H2BC18: variants seen among roughly 807,000 people sequenced by gnomAD.
The protein encoded by H2BC18 is H2B clustered histone 18, also known as histone H2B type 2-F.
H2BC18 carries 8 observed loss-of-function variants against 6.3 expected under a neutral mutation model. The ratio of observed to expected loss-of-function variants is 1.28; its 90% CI spans 0.75 to 2.31. The LOEUF (loss-of-function observed/expected upper bound fraction) is 2.31. H2BC18 is among the 30% of genes most tolerant of loss of function. The probability of loss-of-function intolerance (pLI) is 0.00; values close to 1 mark genes in which losing one functional copy is unlikely to be tolerated. For synonymous variants in H2BC18, 104 were observed against 78.1 expected (o/e 1.33, Z -1.75); for missense variants, 106 against 174.5 (o/e 0.61, Z 2.21).
intron 1 of H2BC18, chr1:149,788,274 A>G: frequency 6.2e-7 from 1 of 1,609,250 alleles, no homozygotes; most frequent in Non-Finnish European, 8.5e-7. Context: ...TGGATGTTGC[A>G]AGGAGAAAAA....
chr1:149,806,053 TTC>T (rs1233959275), intron 1 of H2BC18, among the ~76,000 whole-genome samples: 4 of 152,134 alleles, frequency 2.6e-5, no homozygotes, highest in African/African-American at 7.2e-5. Context: ...CACATACATA[TTC>T]TTTTTTAGGG....
intron 1 of H2BC18, chr1:149,804,103 A>G (rs587763044): frequency 6.6e-5 from 10 of 152,300 alleles, no homozygotes; most frequent in Admixed American, 3.9e-4. Context: ...GTTTTTCTCT[A>G]TGCTAGCTAA....
intron 1 of H2BC18, among the ~76,000 whole-genome samples, chr1:149,801,080 G>C (rs587599768): frequency 2.6e-5 from 4 of 151,970 alleles, no homozygotes; most frequent in East Asian, 1.9e-4. Flanking sequence ...AGTGAGACCC[G>C]GTCTCTAGAA....
chr1:149,804,404 C>T (rs1559754299), intron 1 of H2BC18, among the ~76,000 whole-genome samples: 1 of 152,208 alleles, frequency 6.6e-6, no homozygotes, highest in Non-Finnish European at 1.5e-5. Flanking sequence ...GAAGGTTCTA[C>T]ATAACAAAGG....
intron 1 of H2BC18, among the ~76,000 whole-genome samples, chr1:149,799,607 A>C (rs587728296): frequency 6.6e-6 from 1 of 152,352 alleles, no homozygotes; most frequent in South Asian, 2.1e-4. Flanking sequence ...GTGCACAATC[A>C]GCAAATCTTA....
At position 149,787,262 on chromosome 1, in the gene H2BC18, A is replaced by AT. The variant is rs2091577191; in HGVS notation, c.378-4003dup. The AT allele has an allele frequency of 2.6e-5, 4 of 152,360 alleles. No individual in the cohort carries two copies. In the South Asian group the frequency reaches 6.2e-4, roughly 24 times the overall value. 9.4% of individuals were successfully genotyped at this position (152,360 alleles called of 1,614,324 possible). A position where few individuals can be genotyped will look rare whatever the true frequency, so the allele number is the denominator to read the frequency against. On this transcript the variant is annotated intron_variant, in intron 1 of 1. Transcript: ENST00000545683. ...AGAAACACCTGCCTTCCATTCTTAGATAAGTTCTGGAGGGGGAAAAGGCAC... is the reference window on the plus strand; with the variant it reads ...AGAAACACCTGCCTTCCATTCTTAGATTAAGTTCTGGAGGGGGAAAAGGCAC...
rs782046946 is a variant in H2BC18, at chr1:149,812,273, C to T, written c.51G>A (p.Lys17=). 5 of 1,614,118 alleles carry T rather than the reference C, an allele frequency of 3.1e-6. No individual in the cohort carries two copies. The highest frequency in any genetic ancestry group is 2.2e-5 in the East Asian group (1 of 44,900). The change falls in exon 1 of 1, where the codon AAG becomes AAA. Residue 17 remains lysine (K), a synonymous_variant. Coordinates refer to ENST00000369167, the MANE Select transcript of H2BC18 (RefSeq NM_001024599.5). ...CCTTCTTCTGCACTTTCGTAACAGC[C>T]TTTTTGGAGCCCTTCTTGGGAGCAG... is the stretch of plus-strand genomic sequence containing the variant. ...SAPAPKKGSK[K]AVTKVQKKDG...
At chr1:149,804,857 C>CA (rs1553753717) in intron 1 of H2BC18, among the ~76,000 whole-genome samples, 1 of 151,730 alleles carries the variant, frequency 6.6e-6, no homozygotes, top group Non-Finnish European at 1.5e-5. Context: ...AGCTGATGTT[C>CA]ATCGCCACTA....
At chr1:149,807,653 A>C (rs1240326614), downstream of H2BC18, among the ~76,000 whole-genome samples, 7 of 151,604 alleles carry the variant, frequency 4.6e-5, no homozygotes, top group Admixed American at 4.6e-4. Flanking sequence ...AAAAATACAA[A>C]ATTAGCTGGG....
chr1:149,797,726 CA>C (rs1228861515), intron 1 of H2BC18, among the ~76,000 whole-genome samples: 3 of 152,136 alleles, frequency 2.0e-5, no homozygotes, highest in Admixed American at 1.3e-4. Context: ...GCCTCCCTAG[CA>C]GTTCGAACTA....
At chr1:149,788,170 C>T (rs608125) in intron 1 of H2BC18, 309 of 896,802 alleles carry the variant, frequency 3.4e-4, no homozygotes, top group African/African-American at 1.6e-3. Context: ...GGGCTGTGTA[C>T]GCAGTTGCCA....
chr1:149,799,410 C>G (rs1346756792), intron 1 of H2BC18, among the ~76,000 whole-genome samples: 1 of 152,206 alleles, frequency 6.6e-6, no homozygotes, highest in Non-Finnish European at 1.5e-5. Context: ...TCCTTCTCAT[C>G]ATGTATGCTC....
chr1:149,801,343 G>A (rs1197006302), intron 1 of H2BC18, among the ~76,000 whole-genome samples: 1 of 151,142 alleles, frequency 6.6e-6, no homozygotes, highest in Non-Finnish European at 1.5e-5. Flanking sequence ...TGAGAAGAAA[G>A]CAACATATCT....
intron 1 of H2BC18, among the ~76,000 whole-genome samples, chr1:149,802,956 G>A (rs1413015137): frequency 6.6e-6 from 1 of 152,176 alleles, no homozygotes; most frequent in African/African-American, 2.4e-5. Flanking sequence ...CCCACATTGA[G>A]GGTGAGTCTT....
rs587627640 is a variant in H2BC18, at chr1:149,811,911, G to C, written c.*32C>G. The C allele has an allele frequency of 3.8e-6, 6 of 1,573,608 alleles. No homozygotes were observed. In the East Asian group the frequency reaches 9.0e-5, roughly 24 times the overall value. On this transcript the variant is annotated 3_prime_UTR_variant, in exon 1 of 1. Transcript: ENST00000369167. ...GCTCTGAAAAGAGCCTTTGGGGTTAGGTGGTTGATCTATTGCGTCCCTTGC... is the reference window on the plus strand; with the variant it reads ...GCTCTGAAAAGAGCCTTTGGGGTTACGTGGTTGATCTATTGCGTCCCTTGC...
At chr1:149,795,805 G>A (rs148899710) in intron 1 of H2BC18, among the ~76,000 whole-genome samples, 321 of 151,742 alleles carry the variant, frequency 2.1e-3, no homozygotes, top group Admixed American at 4.4e-3. Context: ...CAGCTTTTTA[G>A]ATGCAAACCT....
chr1:149,803,141 C>A, intron 1 of H2BC18, among the ~76,000 whole-genome samples: 1 of 152,096 alleles, frequency 6.6e-6, no homozygotes, highest in Admixed American at 6.5e-5. Context: ...ATGACCCTTG[C>A]CCAGGATCGT....
chr1:149,789,952 T>C, intron 1 of H2BC18: 1 of 1,607,188 alleles, frequency 6.2e-7, no homozygotes, highest in Non-Finnish European at 8.5e-7. Context: ...ATGGATGCAT[T>C]TTCTAGGGCC....
intron 1 of H2BC18, among the ~76,000 whole-genome samples, chr1:149,800,120 G>C (rs1364425470): frequency 6.6e-6 from 1 of 151,988 alleles, no homozygotes; most frequent in African/African-American, 2.4e-5. Flanking sequence ...TGCTAGAGCA[G>C]TTCATGAAAC....
Sources: allele counts gnomAD v4.1 joint callset (sites outside exome capture counted in the v4.1 genomes callset), GRCh38; gene constraint gnomAD v4.1.1; transcripts MANE v1.5; gene names NCBI Gene and HGNC (gene_info 2026-07-23, HGNC 2026-07-21).